MYO6: variants seen among roughly 807,000 people sequenced by gnomAD.
MYO6 encodes the protein myosin VI.
In MYO6, 74 loss-of-function variants were observed where a neutral mutation model predicts 178.7. That is an observed-to-expected ratio of 0.41 (90% CI 0.34 to 0.50). MYO6 has a LOEUF of 0.50. Ranked by LOEUF, MYO6 falls within the 20% of genes least tolerant of loss-of-function variation. The pLI, the probability that MYO6 is intolerant of heterozygous loss-of-function variation, is 0.09. For missense variants in MYO6, 1,330 were observed against 1,547.4 expected, an observed-to-expected ratio of 0.86 and a Z score of 2.36; for synonymous variants, 477 against 504.6, an observed-to-expected ratio of 0.95 and a Z score of 0.73.
chr6:75,878,200 C>T (rs922982946), intron 20 of MYO6, among the ~76,000 whole-genome samples: 1 of 152,084 alleles, frequency 6.6e-6, no homozygotes, highest in African/African-American at 2.4e-5. Flanking sequence ...CTTAACTCTA[C>T]GTCTTGGGTA....
At chr6:75,794,704 G>C (rs1201944204) in intron 1 of MYO6, among the ~76,000 whole-genome samples, 1 of 149,512 alleles carries the variant, frequency 6.7e-6, no homozygotes, top group African/African-American at 2.5e-5. Flanking sequence ...AAGGAGGGGT[G>C]GGAGGCACTG....
chr6:75,849,105 G>A (rs769155111), intron 11 of MYO6, among the ~76,000 whole-genome samples: 2 of 152,088 alleles, frequency 1.3e-5, no homozygotes, highest in Admixed American at 6.5e-5. Flanking sequence ...TTTGATCTAC[G>A]AATACAGGGA....
At chr6:75,784,895 G>C (rs1423207817) in intron 1 of MYO6, among the ~76,000 whole-genome samples, 2 of 151,378 alleles carry the variant, frequency 1.3e-5, no homozygotes, top group Non-Finnish European at 2.9e-5. Context: ...AAAGTGATTT[G>C]TGGTTTAATT....
At chr6:75,785,600 T>C (rs1461552421) in intron 1 of MYO6, among the ~76,000 whole-genome samples, 1 of 151,598 alleles carries the variant, frequency 6.6e-6, no homozygotes, top group Non-Finnish European at 1.5e-5. Flanking sequence ...GCTAGGAATA[T>C]AGGCACGTGC....
Position 75,918,249 on chromosome 6 carries a change from A to G in MYO6, c.*3237A>G, listed in dbSNP as rs1439972471. On this transcript the variant is annotated 3_prime_UTR_variant, in exon 35 of 35. Transcript: ENST00000369977. ...AAAATTTCTCCCAGAAGATAAACTA[A>G]CAAGGATGGAAGGGGAGGGCAAAGG... 6.6e-6 allele frequency: 1 copy of G among 152,196 alleles called. No homozygotes were observed. The highest frequency in any genetic ancestry group is 1.5e-5 in the Non-Finnish European group (1 of 68,042). 9.4% of individuals were successfully genotyped at this position (152,196 alleles called of 1,614,324 possible). A position where few individuals can be genotyped will look rare whatever the true frequency, so the allele number is the denominator to read the frequency against.
intron 20 of MYO6, among the ~76,000 whole-genome samples, chr6:75,877,702 G>A (rs1417195721): frequency 2.0e-5 from 3 of 151,960 alleles, no homozygotes; most frequent in Non-Finnish European, 4.4e-5. Context: ...TCTGCACCGA[G>A]AAGCCACTCA....
At chr6:75,870,489 T>C (rs1777060354) in intron 18 of MYO6, among the ~76,000 whole-genome samples, 158 bp from the exon 19 acceptor site, 2 of 152,256 alleles carry the variant, frequency 1.3e-5, no homozygotes, top group Admixed American at 6.5e-5. Flanking sequence ...TGCTGTCTGT[T>C]AAAGAATTTG....
intron 7 of MYO6, among the ~76,000 whole-genome samples, chr6:75,838,441 T>A (rs1773868533): frequency 6.6e-6 from 1 of 152,194 alleles, no homozygotes; most frequent in Non-Finnish European, 1.5e-5. Flanking sequence ...GTTTAGTTGC[T>A]GGTTTTGGAA....
At chr6:75,806,316 A>G (rs2150132920) in intron 1 of MYO6, among the ~76,000 whole-genome samples, 1 of 151,670 alleles carries the variant, frequency 6.6e-6, no homozygotes, top group Non-Finnish European at 1.5e-5. Context: ...TGAACCTGGG[A>G]GGCAGAGGTT....
Position 75,855,219 on chromosome 6 carries a change from C to G in MYO6, c.1159C>G (p.Arg387Gly). The G allele has an allele frequency of 6.2e-7, 1 of 1,613,586 alleles. No homozygotes were observed. The highest frequency in any genetic ancestry group is 8.5e-7 in the Non-Finnish European group (1 of 1,179,690). ...ELLGLDQDDL[R>G]VSLTTRVMLT... ...ACTGGGTTTGGACCAAGATGATCTT[C>G]GAGTAAGTTTGACCACAAGAGTCAT... The change falls in exon 12 of 35, where the codon CGA becomes GGA. Residue 387 changes from arginine to glycine, a missense_variant. By Grantham distance (125) the Arg-to-Gly change is moderately radical. Transcript: ENST00000369977.
At chr6:75,905,727 C>T (rs1780261596) in intron 30 of MYO6, among the ~76,000 whole-genome samples, 1 of 152,242 alleles carries the variant, frequency 6.6e-6, no homozygotes, top group African/African-American at 2.4e-5. Flanking sequence ...TCCTATTCGG[C>T]CATCTTGGCT....
chr6:75,759,528 C>T (rs1025252584), intron 1 of MYO6, among the ~76,000 whole-genome samples: 1 of 151,442 alleles, frequency 6.6e-6, no homozygotes, highest in Non-Finnish European at 1.5e-5. Context: ...TCCTCCGAGT[C>T]TCCACCGGTG....
At chr6:75,907,875 C>T (rs1427234486) in intron 31 of MYO6, among the ~76,000 whole-genome samples, 167 bp downstream of exon 31, 1 of 151,746 alleles carries the variant, frequency 6.6e-6, no homozygotes, top group Non-Finnish European at 1.5e-5. Flanking sequence ...CATGAATGCA[C>T]AGTAACAAAT....
chr6:75,832,270 G>C (rs1280057), intron 5 of MYO6, among the ~76,000 whole-genome samples: 97,545 of 151,988 alleles, frequency 0.64, 32,955 homozygotes, highest in East Asian at 0.91. Flanking sequence ...TTGACAAATT[G>C]TAAATTTAAT....
chr6:75,829,016 A>T (rs571501567), intron 4 of MYO6, among the ~76,000 whole-genome samples: 1 of 152,148 alleles, frequency 6.6e-6, no homozygotes, highest in Non-Finnish European at 1.5e-5. Context: ...AAGGCAGCCT[A>T]TAAGGAATGT....
chr6:75,839,179 ATTTAT>A (rs994412747), intron 7 of MYO6, among the ~76,000 whole-genome samples: 34 of 151,628 alleles, frequency 2.2e-4, no homozygotes, highest in African/African-American at 7.7e-4. Context: ...TTATTTTTTA[ATTTAT>A]TTTATTTTAT....
At chr6:75,802,123 A>C (rs1562178764) in intron 1 of MYO6, among the ~76,000 whole-genome samples, 1 of 152,156 alleles carries the variant, frequency 6.6e-6, no homozygotes, top group Non-Finnish European at 1.5e-5. Context: ...TAAATGCAAT[A>C]CTAAGCGGAA....
At chr6:75,903,075 A>C (rs1247279032) in intron 30 of MYO6, among the ~76,000 whole-genome samples, 1 of 152,114 alleles carries the variant, frequency 6.6e-6, no homozygotes, top group African/African-American at 2.4e-5. Context: ...GTTTCATTGC[A>C]CTGTGGTCTG....
intron 3 of MYO6, 148 bp from the exon 4 acceptor site, chr6:75,828,392 A>G (rs1414590596): frequency 1.0e-5 from 6 of 595,730 alleles, no homozygotes; most frequent in South Asian, 1.0e-4. Flanking sequence ...TAGGGTTTAC[A>G]TCAGCCAGGG....
Sources: allele counts gnomAD v4.1 joint callset (sites outside exome capture counted in the v4.1 genomes callset), GRCh38; gene constraint gnomAD v4.1.1; transcripts MANE v1.5; gene names NCBI Gene and HGNC (gene_info 2026-07-23, HGNC 2026-07-21).